The following SORBS2 variants were observed in gnomAD, a reference collection of about 807,000 sequenced individuals.
The protein encoded by SORBS2 is sorbin and SH3 domain-containing protein 2.
A neutral mutation model predicts 97.7 loss-of-function variants in SORBS2; 46 were observed. That is an observed-to-expected ratio of 0.47 (90% CI 0.37 to 0.60). The LOEUF is 0.60. Among genes scored for constraint, SORBS2 ranks in the 20% least tolerant of loss-of-function variants. The pLI is 0.00. For missense variants in SORBS2, 1,316 were observed against 1,282.3 expected, an observed-to-expected ratio of 1.03 and a Z score of -0.40; for synonymous variants, 476 against 473.4, an observed-to-expected ratio of 1.01 and a Z score of -0.07.
At chr4:185,847,445 T>C (rs1174929283) in intron 1 of SORBS2, among the ~76,000 whole-genome samples, 1 of 152,070 alleles carries the variant, frequency 6.6e-6, no homozygotes, top group Non-Finnish European at 1.5e-5. Flanking sequence ...AAAATCAAGC[T>C]GAACACATGC....
At chr4:185,673,866 G>A (rs114568449) in intron 4 of SORBS2, among the ~76,000 whole-genome samples, 1,557 of 152,206 alleles carry the variant, frequency 0.01, 21 homozygotes, top group African/African-American at 0.031. Flanking sequence ...GCATTTGTGC[G>A]GTGAACCATC....
At chr4:185,789,115 A>G (rs1252786659) in intron 1 of SORBS2, among the ~76,000 whole-genome samples, 1 of 152,188 alleles carries the variant, frequency 6.6e-6, no homozygotes. Context: ...ATCAAGGACC[A>G]GGTCAGGTCA....
intron 1 of SORBS2, among the ~76,000 whole-genome samples, chr4:185,821,635 G>A (rs2099196874): frequency 6.6e-6 from 1 of 152,086 alleles, no homozygotes; most frequent in South Asian, 2.1e-4. Flanking sequence ...TGTTGACCAG[G>A]CTGGTCTCGA....
At chr4:185,849,922 G>C (rs2099216839) in intron 1 of SORBS2, among the ~76,000 whole-genome samples, 1 of 152,178 alleles carries the variant, frequency 6.6e-6, no homozygotes, top group Admixed American at 6.5e-5. Context: ...AAAATTACAA[G>C]AACAACTGGG....
At chr4:185,842,059 G>A (rs116293657) in intron 1 of SORBS2, among the ~76,000 whole-genome samples, 124 of 152,288 alleles carry the variant, frequency 8.1e-4, no homozygotes, top group African/African-American at 2.9e-3. Context: ...TGCCCTCAAG[G>A]AGCTTATCTC....
At position 185,856,186 on chromosome 4, in the gene SORBS2, T is replaced by C. The variant is rs145423927; in HGVS notation, c.-337-80820A>G. The stretch of plus-strand genomic sequence containing the variant: ...GCATCTTAACTAGGATGTTCCTAGT[T>C]TACAGTAAGCAGTGTCATGCAGTAG... On this transcript the variant is annotated intron_variant, in intron 1 of 20. Coordinates refer to the SORBS2 transcript ENST00000284776. 5.4e-3 allele frequency among the ~76,000 whole-genome samples: 829 copies of C among 152,246 alleles called. 11 individuals are homozygous for C. The highest frequency in any genetic ancestry group is 0.018 in the African/African-American group (745 of 41,552).
intron 1 of SORBS2, among the ~76,000 whole-genome samples, chr4:185,839,847 A>C (rs28463905): frequency 0.18 from 27,185 of 152,134 alleles, 3,190 homozygotes; most frequent in African/African-American, 0.34. Flanking sequence ...TTAAAGAAGG[A>C]TCCTTAGAGG....
At chr4:185,858,615 G>T (rs1308973271) in intron 1 of SORBS2, among the ~76,000 whole-genome samples, 1 of 152,120 alleles carries the variant, frequency 6.6e-6, no homozygotes, top group African/African-American at 2.4e-5. Flanking sequence ...CATCTCTTAA[G>T]CAAGTTCATA....
chr4:185,827,189 T>TCATCAGAATCAC (rs2099200831), intron 1 of SORBS2, among the ~76,000 whole-genome samples: 2 of 14,692 alleles, frequency 1.4e-4, no homozygotes, highest in Non-Finnish European at 2.9e-4. Context: ...AGAATCACCA[T>TCATCAGAATCAC]CATCATCATC....
intron 1 of SORBS2, among the ~76,000 whole-genome samples, chr4:185,852,248 A>T (rs964667728): frequency 4.2e-4 from 64 of 152,318 alleles, no homozygotes; most frequent in African/African-American, 1.4e-3. Flanking sequence ...AAGGCCACTA[A>T]GTCACTCATC....
At chr4:185,617,102 C>T (rs1019503097) in intron 9 of SORBS2, among the ~76,000 whole-genome samples, 7 of 152,158 alleles carry the variant, frequency 4.6e-5, no homozygotes, top group Non-Finnish European at 8.8e-5. Context: ...GGTGGACACC[C>T]TTCCTACTTC....
chr4:185,798,784 C>T (rs2099117504), intron 1 of SORBS2, among the ~76,000 whole-genome samples: 1 of 152,188 alleles, frequency 6.6e-6, no homozygotes, highest in African/African-American at 2.4e-5. Context: ...CAGCACTGCT[C>T]ACTGCCTACC....
At chr4:185,707,185 A>G (rs1300386218) in intron 2 of SORBS2, among the ~76,000 whole-genome samples, 1 of 152,208 alleles carries the variant, frequency 6.6e-6, no homozygotes, top group Admixed American at 6.5e-5. Context: ...ACAACCAAAC[A>G]AGCTAAATAC....
At chr4:185,948,510 A>ATTTTTTTTTT (rs34637572) in intron 1 of SORBS2, among the ~76,000 whole-genome samples, 2 of 87,766 alleles carry the variant, frequency 2.3e-5, no homozygotes, top group Non-Finnish European at 4.1e-5. Context: ...ATGAATTTCA[A>ATTTTTTTTTT]TTTTTTTTTT....
chr4:185,933,622 C>T (rs1219676821), intron 1 of SORBS2, among the ~76,000 whole-genome samples: 1 of 151,966 alleles, frequency 6.6e-6, no homozygotes, highest in East Asian at 1.9e-4. Context: ...GCACGGTATT[C>T]CCCTTGCGCG....
At chr4:185,763,519 C>T (rs936629032) in intron 2 of SORBS2, among the ~76,000 whole-genome samples, 1 of 152,118 alleles carries the variant, frequency 6.6e-6, no homozygotes, top group African/African-American at 2.4e-5. Context: ...ATCTTTGGGT[C>T]TTCACAAATT....
At chr4:185,631,526 G>A (rs1486466607) in intron 4 of SORBS2, among the ~76,000 whole-genome samples, 1 of 152,174 alleles carries the variant, frequency 6.6e-6, no homozygotes, top group African/African-American at 2.4e-5. Flanking sequence ...ACTTTGGGAG[G>A]CCAACGCGGG....
intron 4 of SORBS2, 175 bp downstream of exon 13, chr4:185,646,493 G>T: frequency 1.8e-6 from 1 of 557,300 alleles, no homozygotes; most frequent in Non-Finnish European, 3.2e-6. Context: ...CAATATATTA[G>T]AACATGTATC....
At chr4:185,695,839 T>C (rs141847692) in intron 2 of SORBS2, among the ~76,000 whole-genome samples, 272 of 152,300 alleles carry the variant, frequency 1.8e-3, no homozygotes, top group Non-Finnish European at 3.2e-3. Context: ...CTCCAAGTAG[T>C]TTGTTTTGTG....
Sources: allele counts gnomAD v4.1 joint callset (sites outside exome capture counted in the v4.1 genomes callset), GRCh38; gene constraint gnomAD v4.1.1; transcripts MANE v1.5; gene names NCBI Gene and HGNC (gene_info 2026-07-23, HGNC 2026-07-21).